Variants in TTLL11 observed in about 807,000 individuals in gnomAD.
TTLL11 encodes tubulin polyglutamylase TTLL11.
In TTLL11, 42 loss-of-function variants were observed where a neutral mutation model predicts 51.7. The ratio of observed to expected loss-of-function variants is 0.81; its 90% CI spans 0.64 to 1.05. The LOEUF is 1.05. Ranked by LOEUF, TTLL11 falls within the 50% of genes least tolerant of loss-of-function variation. TTLL11 has a pLI of 0.00. For synonymous variants in TTLL11, 381 were observed against 383.5 expected (o/e 0.99, Z 0.08); for missense variants, 799 against 940.4 (o/e 0.85, Z 1.97).
At chr9:121,861,927 C>T (rs772687949) in intron 7 of TTLL11, among the ~76,000 whole-genome samples, 2 of 152,204 alleles carry the variant, frequency 1.3e-5, no homozygotes, top group Non-Finnish European at 2.9e-5. Flanking sequence ...CAGAACAGCA[C>T]AGGCTGGGTC....
intron 1 of TTLL11, among the ~76,000 whole-genome samples, chr9:122,085,699 A>G (rs756163725): frequency 6.6e-6 from 1 of 152,242 alleles, no homozygotes. Flanking sequence ...AAAACAATCA[A>G]CACTGAATAC....
chr9:121,928,105 G>C (rs900300371), intron 6 of TTLL11, among the ~76,000 whole-genome samples: 3 of 152,254 alleles, frequency 2.0e-5, no homozygotes, highest in Admixed American at 2.0e-4. Context: ...AAGCGTGGGA[G>C]GGGCAGTACC....
chr9:121,843,464 C>A (rs79628336), intron 8 of TTLL11, among the ~76,000 whole-genome samples: 1 of 151,916 alleles, frequency 6.6e-6, no homozygotes, highest in Non-Finnish European at 1.5e-5. Flanking sequence ...GAGTTAAAAA[C>A]GCCTGGGGGC....
intron 8 of TTLL11, among the ~76,000 whole-genome samples, chr9:121,850,390 C>T (rs1837633097): frequency 6.6e-6 from 1 of 152,234 alleles, no homozygotes; most frequent in South Asian, 2.1e-4. Flanking sequence ...ACTCTCAGTC[C>T]CAGGCCTAAG....
intron 1 of TTLL11, among the ~76,000 whole-genome samples, chr9:122,071,557 G>A (rs1328125706): frequency 6.6e-6 from 1 of 152,106 alleles, no homozygotes; most frequent in Non-Finnish European, 1.5e-5. Context: ...CCCTAGAGAG[G>A]AGAGACACCA....
intron 6 of TTLL11, among the ~76,000 whole-genome samples, chr9:121,924,719 C>T (rs532658984): frequency 6.6e-6 from 1 of 151,204 alleles, no homozygotes; most frequent in African/African-American, 2.4e-5. Flanking sequence ...AAAAAACAGG[C>T]CCAGGCAATT....
intron 6 of TTLL11, among the ~76,000 whole-genome samples, chr9:121,892,193 T>A (rs1164001751): frequency 2.7e-5 from 1 of 36,880 alleles, no homozygotes; most frequent in East Asian, 9.7e-4. Flanking sequence ...CACACATATA[T>A]ATACATATAT....
chr9:121,863,227 C>T (rs1838072925), intron 7 of TTLL11, among the ~76,000 whole-genome samples: 1 of 152,206 alleles, frequency 6.6e-6, no homozygotes, highest in South Asian at 2.1e-4. Flanking sequence ...CGTCACTTGT[C>T]ACCAAGACGG....
At chr9:121,904,620 C>T (rs1252854031) in intron 6 of TTLL11, among the ~76,000 whole-genome samples, 1 of 152,226 alleles carries the variant, frequency 6.6e-6, no homozygotes, top group Non-Finnish European at 1.5e-5. Flanking sequence ...AATCCTCACA[C>T]ATAAGAGAAA....
rs138178726 is a variant in TTLL11 at position 121,982,255 on chromosome 9, A to C, written c.1269+6940T>G. On this transcript the variant is annotated intron_variant, in intron 4 of 8. Transcript: ENST00000321582. ...CTTTTTCTCAGAGATCACAGTGCTG[A>C]GCTATCTGTGGTCCAAAGTCTGAAA... Among the ~76,000 whole-genome samples the C allele has an allele frequency of 3.9e-3, 589 of 152,282 alleles. 4 individuals carry two copies. Among genetic ancestry groups the C allele is most frequent in the African/African-American group, 0.014 (566 of 41,556 alleles).
intron 6 of TTLL11, among the ~76,000 whole-genome samples, chr9:121,909,982 G>T (rs1304821673): frequency 6.6e-6 from 1 of 152,182 alleles, no homozygotes; most frequent in African/African-American, 2.4e-5. Flanking sequence ...TGTGGATGGC[G>T]TCTAAGATGC....
chr9:121,892,062 AT>A (rs200530657), intron 6 of TTLL11, among the ~76,000 whole-genome samples: 6,015 of 147,484 alleles, frequency 0.041, 205 homozygotes, highest in Non-Finnish European at 0.061. Context: ...AATATAAAAA[AT>A]ATATAAACTA....
chr9:121,954,150 A>G (rs1213830173), intron 6 of TTLL11, among the ~76,000 whole-genome samples: 1 of 152,148 alleles, frequency 6.6e-6, no homozygotes, highest in Non-Finnish European at 1.5e-5. Context: ...CAACACTAGT[A>G]TTGCTTCCTT....
chr9:122,021,113 TG>T (rs770919441), intron 3 of TTLL11, among the ~76,000 whole-genome samples: 116 of 115,086 alleles, frequency 1.0e-3, no homozygotes, highest in Non-Finnish European at 1.6e-3. Flanking sequence ...AGACAAAATA[TG>T]TTAACAGTTT....
chr9:121,916,065 TGTGAAAA>T (rs1347140740), intron 6 of TTLL11, among the ~76,000 whole-genome samples: 1 of 150,088 alleles, frequency 6.7e-6, no homozygotes, highest in Non-Finnish European at 1.5e-5. Context: ...TTGTTTGAAA[TGTGAAAA>T]AGTAGAAATA....
At position 121,986,335 on chromosome 9, in the gene TTLL11, C is replaced by T. The variant is rs544429154; in HGVS notation, c.1269+2860G>A. On this transcript the variant is annotated intron_variant, in intron 4 of 8. Coordinates refer to ENST00000321582, the MANE Select transcript of TTLL11 (RefSeq NM_001139442.2). Reference sequence around the variant, plus strand: ...CAAGCCAGGGCTCTGTGGCTTGGCTCTGCATGCCGGGCCCACATGATAGTC... The same window carrying T: ...CAAGCCAGGGCTCTGTGGCTTGGCTTTGCATGCCGGGCCCACATGATAGTC... Among the ~76,000 whole-genome samples the T allele has an allele frequency of 8.5e-5, 13 of 152,320 alleles. No homozygotes were observed. The East Asian group carries it at 1.4e-3, about 16-fold the overall frequency.
chr9:121,933,565 C>T (rs538344997), intron 6 of TTLL11, among the ~76,000 whole-genome samples: 3 of 152,018 alleles, frequency 2.0e-5, no homozygotes, highest in East Asian at 3.9e-4. Context: ...CACTATCCAT[C>T]GATTTCCAAA....
intron 3 of TTLL11, among the ~76,000 whole-genome samples, chr9:122,017,770 A>C (rs1443072677): frequency 6.6e-6 from 1 of 152,016 alleles, no homozygotes; most frequent in Non-Finnish European, 1.5e-5. Flanking sequence ...CAACAGGGTA[A>C]GGATTTTTAA....
chr9:122,086,208 C>T (rs1456871755), intron 1 of TTLL11, among the ~76,000 whole-genome samples: 1 of 152,052 alleles, frequency 6.6e-6, no homozygotes, highest in Non-Finnish European at 1.5e-5. Context: ...AATGTGAGCC[C>T]CTTGAATTTA....
Sources: allele counts gnomAD v4.1 joint callset (sites outside exome capture counted in the v4.1 genomes callset), GRCh38; gene constraint gnomAD v4.1.1; transcripts MANE v1.5; gene names NCBI Gene and HGNC (gene_info 2026-07-23, HGNC 2026-07-21).